WWOX: variants seen among roughly 807,000 people sequenced by gnomAD.
The protein encoded by WWOX is WW domain-containing oxidoreductase.
A neutral mutation model predicts 46.2 loss-of-function variants in WWOX; 69 were observed. That is an observed-to-expected ratio of 1.49 (90% CI 1.23 to 1.82). The LOEUF (loss-of-function observed/expected upper bound fraction) is 1.82, where lower values mean the gene tolerates loss of function less well. Ranked by LOEUF, WWOX falls within the 40% of genes most tolerant of loss-of-function variation. The pLI, the probability that WWOX is intolerant of heterozygous loss-of-function variation, is 0.00. For synonymous variants in WWOX, 359 were observed against 202.6 expected, an observed-to-expected ratio of 1.77 and a Z score of -6.56; for missense variants, 919 against 542.6, an observed-to-expected ratio of 1.69 and a Z score of -6.89.
At chr16:78,452,977 G>T (rs1356705590) in intron 8 of WWOX, among the ~76,000 whole-genome samples, 1 of 150,224 alleles carries the variant, frequency 6.7e-6, no homozygotes, top group African/African-American at 2.5e-5. Context: ...AACCTTCTTG[G>T]CCTAAGTGAT....
intron 4 of WWOX, among the ~76,000 whole-genome samples, chr16:78,155,325 C>T (rs957811174): frequency 6.6e-6 from 1 of 152,118 alleles, no homozygotes; most frequent in Admixed American, 6.6e-5. Flanking sequence ...CAAAACAGGT[C>T]TGTGGGCTTG....
At chr16:78,101,587 T>G (rs1467995026) in intron 1 of WWOX, among the ~76,000 whole-genome samples, 1 of 152,038 alleles carries the variant, frequency 6.6e-6, no homozygotes, top group African/African-American at 2.4e-5. Flanking sequence ...CCCCAAAGTG[T>G]TGGCATTACA....
intron 8 of WWOX, among the ~76,000 whole-genome samples, chr16:78,988,710 T>C (rs2046828207): frequency 6.6e-6 from 1 of 152,136 alleles, no homozygotes; most frequent in Non-Finnish European, 1.5e-5. Context: ...TGCATTTGGG[T>C]AGGGAAATGG....
At chr16:78,848,942 A>T (rs2052369460) in intron 8 of WWOX, among the ~76,000 whole-genome samples, 1 of 151,884 alleles carries the variant, frequency 6.6e-6, no homozygotes, top group Admixed American at 6.6e-5. Flanking sequence ...TTGTGATCAT[A>T]TTTCTATTTA....
At chr16:78,671,626 C>A (rs920413178) in intron 8 of WWOX, among the ~76,000 whole-genome samples, 1 of 152,082 alleles carries the variant, frequency 6.6e-6, no homozygotes, top group African/African-American at 2.4e-5. Context: ...TAGAGATTCC[C>A]TATCTCATTT....
At chr16:78,442,412 C>T (rs1221504627) in intron 8 of WWOX, among the ~76,000 whole-genome samples, 1 of 152,040 alleles carries the variant, frequency 6.6e-6, no homozygotes, top group African/African-American at 2.4e-5. Context: ...AACTTAGGAT[C>T]CTTTGACCAC....
At chr16:78,974,908 G>A (rs1371710721) in intron 8 of WWOX, among the ~76,000 whole-genome samples, 2 of 152,068 alleles carry the variant, frequency 1.3e-5, no homozygotes, top group Non-Finnish European at 1.5e-5. Flanking sequence ...TGCAAGTCAG[G>A]GTCCACCGAT....
intron 8 of WWOX, among the ~76,000 whole-genome samples, chr16:78,606,731 T>TG (rs2045768822): frequency 1.3e-5 from 2 of 150,594 alleles, no homozygotes; most frequent in African/African-American, 4.9e-5. Flanking sequence ...TTTTTTTTTT[T>TG]TTTTTTTTTT....
chr16:78,176,308 G>T (rs184891686), intron 5 of WWOX, among the ~76,000 whole-genome samples: 134 of 152,306 alleles, frequency 8.8e-4, no homozygotes, highest in African/African-American at 3.2e-3. Context: ...TGTAACCCCT[G>T]TCCCTCTTTT....
At chr16:78,948,549 A>G (rs546512792) in intron 8 of WWOX, among the ~76,000 whole-genome samples, 29 of 152,066 alleles carry the variant, frequency 1.9e-4, no homozygotes, top group African/African-American at 6.8e-4. Flanking sequence ...GTAGGTGCCC[A>G]TGACAGCTCT....
chr16:78,928,654 G>A (rs1472648932), intron 8 of WWOX, among the ~76,000 whole-genome samples: 1 of 146,150 alleles, frequency 6.8e-6, no homozygotes, highest in Non-Finnish European at 1.5e-5. Context: ...GGGTTTCTTT[G>A]ACTTACTGGA....
chr16:78,730,793 A>T (rs2048952571), intron 8 of WWOX, among the ~76,000 whole-genome samples: 1 of 152,002 alleles, frequency 6.6e-6, no homozygotes, highest in Non-Finnish European at 1.5e-5. Context: ...AAAAAAAGTG[A>T]CACAGTTTTC....
intron 8 of WWOX, among the ~76,000 whole-genome samples, chr16:78,664,959 T>C (rs953470037): frequency 1.3e-5 from 2 of 152,214 alleles, no homozygotes; most frequent in African/African-American, 2.4e-5. Flanking sequence ...CCTGGTTCAA[T>C]ACAATGAACT....
At chr16:79,005,868 A>G (rs868333336) in intron 8 of WWOX, among the ~76,000 whole-genome samples, 1 of 152,194 alleles carries the variant, frequency 6.6e-6, no homozygotes, top group African/African-American at 2.4e-5. Flanking sequence ...GCTCAGGCCA[A>G]GAGAGAAACT....
At chr16:78,645,299 G>A (rs1437469780) in intron 8 of WWOX, among the ~76,000 whole-genome samples, 3 of 152,002 alleles carry the variant, frequency 2.0e-5, no homozygotes, top group Non-Finnish European at 4.4e-5. Context: ...GACCATCTGT[G>A]TTTTTTTCCT....
At chr16:78,220,735 A>C (rs1018367682) in intron 5 of WWOX, among the ~76,000 whole-genome samples, 2 of 152,242 alleles carry the variant, frequency 1.3e-5, no homozygotes, top group African/African-American at 4.8e-5. Flanking sequence ...ACTAACAAGA[A>C]TGAAAGGACC....
intron 8 of WWOX, among the ~76,000 whole-genome samples, chr16:79,009,149 C>T (rs1229045635): frequency 6.6e-6 from 1 of 152,206 alleles, no homozygotes; most frequent in Non-Finnish European, 1.5e-5. Flanking sequence ...ATCTTCCCTG[C>T]TAAAAAGGCC....
chr16:78,875,227 T>C (rs942692226), intron 8 of WWOX, among the ~76,000 whole-genome samples: 3 of 152,136 alleles, frequency 2.0e-5, no homozygotes, highest in African/African-American at 7.2e-5. Flanking sequence ...AATTTCAGTG[T>C]TGGATGTTCA....
At chr16:78,962,629 G>T (rs552803531) in intron 8 of WWOX, among the ~76,000 whole-genome samples, 1 of 152,150 alleles carries the variant, frequency 6.6e-6, no homozygotes, top group Admixed American at 6.5e-5. Context: ...AATGTGAGCT[G>T]CTTGCATCAG....
Sources: allele counts gnomAD v4.1 joint callset (sites outside exome capture counted in the v4.1 genomes callset), GRCh38; gene constraint gnomAD v4.1.1; transcripts MANE v1.5; gene names NCBI Gene and HGNC (gene_info 2026-07-23, HGNC 2026-07-21).